Variants in HELLS observed in about 807,000 individuals in gnomAD.
HELLS encodes the protein lymphoid-specific helicase.
A neutral mutation model predicts 120.0 loss-of-function variants in HELLS; 32 were observed. The observed-to-expected ratio is 0.27, with a 90% confidence interval of 0.20 to 0.36. HELLS has a LOEUF of 0.36. Among genes scored for constraint, HELLS ranks in the 10% least tolerant of loss-of-function variants. The pLI is 1.00. For synonymous variants in HELLS, 341 were observed against 323.4 expected (o/e 1.05, Z -0.58); for missense variants, 650 against 993.4 (o/e 0.65, Z 4.65).
At chr10:94,597,011 A>C in intron 20 of HELLS, 24 bp from the exon 21 acceptor site, 1 of 1,493,008 alleles carries the variant, frequency 6.7e-7, no homozygotes, top group Non-Finnish European at 9.3e-7. Context: ...ATTCACATAG[A>C]CTTGAATATT....
At chr10:94,546,546 G>A (rs1277131646) in intron 2 of HELLS, 48 bp downstream of exon 2, 1 of 1,610,698 alleles carries the variant, frequency 6.2e-7, no homozygotes, top group Non-Finnish European at 8.5e-7. Flanking sequence ...TGGTAACCTC[G>A]GCTTTAACCC....
rs570447113 is a variant in HELLS, at chr10:94,575,098, ATTTTTTTT to A, written c.888+378_888+385del. ...TTTTCTGTACTTGTTACCTTCTGCAATTTTTTTTTTTTTTTTTTTTTTTGAAATGGAGT... is the reference window on the plus strand; with the variant it reads ...TTTTCTGTACTTGTTACCTTCTGCAATTTTTTTTTTTTTTTGAAATGGAGT... On this transcript the variant is annotated intron_variant, in intron 9 of 21. Transcript: ENST00000348459. 3.9e-3 allele frequency among the ~76,000 whole-genome samples: 471 copies of A among 121,784 alleles called. 3 individuals are homozygous for A. Among genetic ancestry groups the A allele is most frequent in the African/African-American group, 0.014 (443 of 32,248 alleles). 79.9% of individuals were successfully genotyped at this position (121,784 alleles called of 152,430 possible).
downstream of HELLS, among the ~76,000 whole-genome samples, chr10:94,603,892 A>G (rs949133968): frequency 3.3e-5 from 5 of 151,852 alleles, no homozygotes; most frequent in South Asian, 2.1e-4. Flanking sequence ...CAGTAGTGCA[A>G]TCTCAGCTGA....
chr10:94,604,728 A>G (rs1024522842), downstream of HELLS, among the ~76,000 whole-genome samples: 1 of 152,124 alleles, frequency 6.6e-6, no homozygotes, highest in Non-Finnish European at 1.5e-5. Flanking sequence ...CTGTGTAAGT[A>G]TTATTAAAGC....
At chr10:94,598,779 A>C (rs891543362) in intron 21 of HELLS, among the ~76,000 whole-genome samples, 1 of 152,026 alleles carries the variant, frequency 6.6e-6, no homozygotes, top group African/African-American at 2.4e-5. Flanking sequence ...TGTCATCTGT[A>C]ACTACTCTTT....
chr10:94,567,424 G>C (rs1207173265), intron 6 of HELLS, among the ~76,000 whole-genome samples: 3 of 151,848 alleles, frequency 2.0e-5, no homozygotes, highest in Non-Finnish European at 4.4e-5. Flanking sequence ...TCAGCCTTCC[G>C]AGTAGCTAGG....
intron 9 of HELLS, among the ~76,000 whole-genome samples, chr10:94,575,793 GTGTGTGTGT>G (rs1844440327): frequency 6.6e-6 from 1 of 150,440 alleles, no homozygotes; most frequent in Non-Finnish European, 1.5e-5. Context: ...GTGTGTGTGT[GTGTGTGTGT>G]GTGTGTGTGT....
At position 94,574,601 on chromosome 10, in the gene HELLS, A is replaced by T. The variant is rs567781568; in HGVS notation, c.753A>T (p.Gly251=). The T allele has an allele frequency of 6.2e-7, 1 of 1,613,248 alleles. No individual in the cohort carries two copies. Among genetic ancestry groups the T allele is most frequent in the African/African-American group, 1.3e-5 (1 of 75,006 alleles). The part of the protein sequence containing the change: ...GINGILADEM[G]LGKTVQCIAT... ...ATGGCATTTTAGCAGATGAAATGGG[A>T]TTGGGTAAGACAGTTCAGTGCATTG... Residue 251 remains glycine (G), a synonymous_variant, in exon 9 of 22, where the codon GGA becomes GGT. Transcript: ENST00000348459.
chr10:94,566,520 G>A lies in HELLS; in HGVS notation c.435+3644G>A, dbSNP rs571930505. On this transcript the variant is annotated intron_variant, in intron 6 of 21. Coordinates refer to ENST00000348459, the MANE Select transcript of HELLS (RefSeq NM_018063.5). ...AAGCTGTCGATGTAAGCATGGTCAG[G>A]AGTTTAAGGCTGCCATAAGTAAAGT... is the stretch of plus-strand genomic sequence containing the variant. 2.6e-5 allele frequency among the ~76,000 whole-genome samples: 4 copies of A among 152,240 alleles called. No individual in the cohort carries two copies. In the South Asian group the frequency reaches 8.3e-4, roughly 32 times the overall value.
At chr10:94,558,572 C>G (rs548958280) in intron 4 of HELLS, among the ~76,000 whole-genome samples, 3 of 152,126 alleles carry the variant, frequency 2.0e-5, no homozygotes, top group Non-Finnish European at 4.4e-5. Context: ...TACTGTGGGT[C>G]AGGTGTGCTA....
chr10:94,567,097 T>C (rs1327399307), intron 6 of HELLS, among the ~76,000 whole-genome samples: 5 of 152,222 alleles, frequency 3.3e-5, no homozygotes, highest in African/African-American at 7.2e-5. Context: ...TCTAAATCTG[T>C]GAATGCATTT....
intron 2 of HELLS, among the ~76,000 whole-genome samples, chr10:94,551,809 G>A (rs1042684998): frequency 2.0e-5 from 3 of 150,862 alleles, no homozygotes; most frequent in Non-Finnish European, 4.4e-5. Context: ...GCGCGATCTC[G>A]GCTCACTGCA....
intron 16 of HELLS, 33 bp downstream of exon 16, chr10:94,592,345 A>G (rs1845532940): frequency 6.3e-7 from 1 of 1,583,896 alleles, no homozygotes; most frequent in Non-Finnish European, 8.6e-7. Context: ...TGGATTGTTC[A>G]ATTATTTTTT....
At position 94,576,212 on chromosome 10, in the gene HELLS, C is replaced by T. The variant is rs368517207; in HGVS notation, c.889-450C>T. On this transcript the variant is annotated intron_variant, in intron 9 of 21. Transcript: ENST00000348459. ...CACTGTGGCCTTCACCTCCCAGGCT[C>T]ATGTGAGCCTGCTATCTCACACGCC... is the stretch of plus-strand genomic sequence containing the variant. Among the ~76,000 whole-genome samples, 4 of 152,310 alleles carry T rather than the reference C, an allele frequency of 2.6e-5. No individual in the cohort carries two copies. In the East Asian group the frequency reaches 7.7e-4, roughly 29 times the overall value.
intron 19 of HELLS, among the ~76,000 whole-genome samples, chr10:94,595,306 T>G (rs1477150207): frequency 6.6e-6 from 1 of 152,082 alleles, no homozygotes. Context: ...ACTAAGTTGG[T>G]CACCATAGAC....
At chr10:94,597,961 T>A (rs1325142162) in intron 21 of HELLS, among the ~76,000 whole-genome samples, 1 of 152,154 alleles carries the variant, frequency 6.6e-6, no homozygotes, top group Non-Finnish European at 1.5e-5. Flanking sequence ...GAACTTTCCC[T>A]TACAGTTTCC....
chr10:94,572,453 T>C (rs774944405), intron 7 of HELLS, among the ~76,000 whole-genome samples: 26 of 152,218 alleles, frequency 1.7e-4, no homozygotes, highest in Non-Finnish European at 3.2e-4. Flanking sequence ...GGATGGCTTA[T>C]TATTTCCTTT....
intron 8 of HELLS, among the ~76,000 whole-genome samples, chr10:94,607,166 AG>A (rs1846138135): frequency 6.6e-6 from 1 of 152,122 alleles, no homozygotes; most frequent in African/African-American, 2.4e-5. Context: ...TTACACTGTG[AG>A]GGGGAGTGGT....
At chr10:94,586,277 C>T (rs1036010683) in intron 12 of HELLS, among the ~76,000 whole-genome samples, 2 of 152,006 alleles carry the variant, frequency 1.3e-5, no homozygotes, top group Non-Finnish European at 1.5e-5. Context: ...CCTGCCACTA[C>T]GCCTGGCTAA....
Sources: gnomAD v4.1 joint callset for allele counts (sites outside exome capture counted in the v4.1 genomes callset) on GRCh38, gnomAD v4.1.1 for gene constraint, MANE v1.5 for transcripts, NCBI Gene and HGNC (gene_info 2026-07-23, HGNC 2026-07-21) for gene names.